UBAP2: variants seen among roughly 807,000 people sequenced by gnomAD.
UBAP2 encodes ubiquitin associated protein 2, also known as ubiquitin-associated protein 2.
Under a neutral mutation model 139.6 loss-of-function variants are expected in UBAP2, and 75 were observed. That is an observed-to-expected ratio of 0.54 (90% CI 0.45 to 0.65). The LOEUF is 0.65. UBAP2 is among the 30% of genes least tolerant of loss of function. The pLI, the probability that UBAP2 is intolerant of heterozygous loss-of-function variation, is 0.00. For synonymous variants in UBAP2, 526 were observed against 526.2 expected (o/e 1.00, Z 0.01); for missense variants, 1,368 against 1,369.6 (o/e 1.00, Z 0.02).
intron 2 of UBAP2, among the ~76,000 whole-genome samples, chr9:34,006,161 A>G (rs1823193032): frequency 6.6e-6 from 1 of 150,746 alleles, no homozygotes; most frequent in South Asian, 2.1e-4. Context: ...TGAACCCGGG[A>G]GGCCAGAGGT....
chr9:34,011,618 G>A, intron 2 of UBAP2: 2 of 986,946 alleles, frequency 2.0e-6, no homozygotes, highest in South Asian at 4.7e-5. Context: ...AGTATAATAG[G>A]GAAGTTACCA....
At chr9:34,003,727 T>G (rs1156400550) in intron 2 of UBAP2, among the ~76,000 whole-genome samples, 9 of 149,502 alleles carry the variant, frequency 6.0e-5, no homozygotes, top group Admixed American at 4.7e-4. Context: ...TTCTTTCTTT[T>G]GTTTTTTTTT....
intron 16 of UBAP2, among the ~76,000 whole-genome samples, chr9:33,936,783 T>C (rs1302087496): frequency 6.6e-6 from 1 of 151,944 alleles, no homozygotes; most frequent in Non-Finnish European, 1.5e-5. Flanking sequence ...AATGGACAAA[T>C]TCCTTGACAT....
chr9:33,973,336 C>T lies in UBAP2; in HGVS notation c.521-99G>A, dbSNP rs185264314. 2.3e-6 allele frequency: 3 copies of T among 1,304,250 alleles called. No homozygotes were observed. In the East Asian group the frequency reaches 7.0e-5, roughly 30 times the overall value. 80.8% of individuals were successfully genotyped at this position (1,304,250 alleles called of 1,614,324 possible). A position where few individuals can be genotyped will look rare whatever the true frequency, so the allele number is the denominator to read the frequency against. On this transcript the variant is annotated intron_variant, in intron 6 of 28. Transcript: ENST00000379238. ...ATACTCACTACCCAGACAATATTATCATTATTCCTAGTAGCACCAACATTC... is the reference window on the plus strand; with the variant it reads ...ATACTCACTACCCAGACAATATTATTATTATTCCTAGTAGCACCAACATTC...
At chr9:34,042,362 G>A (rs186824477) in intron 1 of UBAP2, among the ~76,000 whole-genome samples, 6 of 151,454 alleles carry the variant, frequency 4.0e-5, no homozygotes, top group East Asian at 3.9e-4. Flanking sequence ...CCTATAATCC[G>A]AGCTACTCGG....
At chr9:33,975,562 G>T (rs1371468882) in intron 6 of UBAP2, among the ~76,000 whole-genome samples, 1 of 151,982 alleles carries the variant, frequency 6.6e-6, no homozygotes, top group Non-Finnish European at 1.5e-5. Context: ...ACTTTGGGAG[G>T]CCGAGACGGA....
intron 5 of UBAP2, 63 bp from the exon 6 acceptor site, chr9:33,986,900 C>CA: frequency 1.4e-6 from 2 of 1,402,380 alleles, no homozygotes; most frequent in Non-Finnish European, 1.0e-6. Context: ...ATAACCTTAT[C>CA]AAGCACCTAT....
intron 19 of UBAP2, 36 bp from the exon 20 acceptor site, chr9:33,928,028 G>C (rs374333557): frequency 1.3e-6 from 2 of 1,582,060 alleles, no homozygotes; most frequent in African/African-American, 2.7e-5. Flanking sequence ...TGGATCTGGA[G>C]GCAGAGGAGG....
chr9:33,933,393 A>T (rs1476355495), intron 18 of UBAP2, 97 bp downstream of exon 18: 1 of 1,358,654 alleles, frequency 7.4e-7, no homozygotes, highest in Non-Finnish European at 1.0e-6. Context: ...CACGTCAGAG[A>T]CAACAAGTGT....
At chr9:33,998,333 G>C (rs531146029) in intron 3 of UBAP2, 1 of 154,772 alleles carries the variant, frequency 6.5e-6, no homozygotes, top group African/African-American at 2.4e-5. Context: ...AGGAGTTTGA[G>C]GCTGCAGTGA....
At chr9:34,039,036 C>T (rs1294655611) in intron 1 of UBAP2, among the ~76,000 whole-genome samples, 1 of 150,842 alleles carries the variant, frequency 6.6e-6, no homozygotes. Flanking sequence ...AGGAGCCCCT[C>T]CGCCCAGCAG....
At chr9:34,039,399 T>C (rs1156547725) in intron 1 of UBAP2, among the ~76,000 whole-genome samples, 1 of 152,184 alleles carries the variant, frequency 6.6e-6, no homozygotes, top group Non-Finnish European at 1.5e-5. Flanking sequence ...ATGGCGGTTT[T>C]GTCGAATAGA....
intron 1 of UBAP2, among the ~76,000 whole-genome samples, chr9:34,040,144 G>A (rs1826931266): frequency 1.3e-5 from 2 of 149,412 alleles, no homozygotes; most frequent in African/African-American, 4.9e-5. Context: ...GGGCGACAAG[G>A]GCTAGACTCC....
At chr9:33,961,891 CT>C (rs1827074817) in intron 9 of UBAP2, among the ~76,000 whole-genome samples, 1 of 152,114 alleles carries the variant, frequency 6.6e-6, no homozygotes, top group Admixed American at 6.5e-5. Context: ...AAAAAGAGTC[CT>C]TATTTATGGA....
At chr9:33,990,193 T>C (rs1182238413) in intron 4 of UBAP2, among the ~76,000 whole-genome samples, 1 of 152,194 alleles carries the variant, frequency 6.6e-6, no homozygotes, top group Non-Finnish European at 1.5e-5. Flanking sequence ...TACTTATTCA[T>C]AATCTGCCTT....
At chr9:33,932,998 C>T (rs1232758509) in intron 18 of UBAP2, among the ~76,000 whole-genome samples, 1 of 152,224 alleles carries the variant, frequency 6.6e-6, no homozygotes, top group African/African-American at 2.4e-5. Context: ...CCATCAAATC[C>T]ACTTTTGCTC....
chr9:33,995,997 G>C, intron 4 of UBAP2: 1 of 445,100 alleles, frequency 2.2e-6, no homozygotes, highest in East Asian at 4.1e-5. Context: ...TAAGGCTGGA[G>C]TAGATCACCA....
intron 6 of UBAP2, 89 bp downstream of exon 6, chr9:33,986,671 A>G: frequency 9.5e-7 from 1 of 1,047,684 alleles, no homozygotes; most frequent in Non-Finnish European, 1.5e-6. Context: ...TTCAGAACAC[A>G]CTGCCATCCC....
rs574126298 is a variant in UBAP2, at chr9:33,924,834, G to A, written c.2512-550C>T. Among the ~76,000 whole-genome samples the A allele has an allele frequency of 4.6e-5, 7 of 152,238 alleles. No homozygotes were observed. In the South Asian group the frequency reaches 6.2e-4, roughly 14 times the overall value. On this transcript the variant is annotated intron_variant, in intron 22 of 28. Coordinates refer to ENST00000379238, the MANE Select transcript of UBAP2 (RefSeq NM_001370062.2). ...CCTAGGACAAGCTTGTCCAACCCAC[G>A]GCCCATGACAGCTTTGAATGTGGCC...
Sources: gnomAD v4.1 joint callset for allele counts (sites outside exome capture counted in the v4.1 genomes callset) on GRCh38, gnomAD v4.1.1 for gene constraint, MANE v1.5 for transcripts, NCBI Gene and HGNC (gene_info 2026-07-23, HGNC 2026-07-21) for gene names.